The following AFF2 variants were observed in gnomAD, a reference collection of about 807,000 sequenced individuals.
The protein encoded by AFF2 is ALF transcription elongation factor 2, also known as AF4/FMR2 family member 2.
Under a neutral mutation model 76.9 loss-of-function variants are expected in AFF2, and 14 were observed. The ratio of observed to expected loss-of-function variants is 0.18; its 90% CI spans 0.12 to 0.28. The LOEUF is 0.28. Ranked by LOEUF, AFF2 falls within the 10% of genes least tolerant of loss-of-function variation. The pLI is 1.00. For missense variants in AFF2, 868 were observed against 1,001.1 expected (o/e 0.87, Z 1.79); for synonymous variants, 398 against 366.7 (o/e 1.09, Z -0.98).
At chrX:148,739,850 C>T (rs943662771) in intron 3 of AFF2, among the ~76,000 whole-genome samples, 8 of 111,421 alleles carry the variant, frequency 7.2e-5, no homozygotes, top group Non-Finnish European at 1.1e-4. Context: ...TTGGTAATGG[C>T]GAATTCTCTC....
chrX:148,524,224 T>G (rs781941244), intron 1 of AFF2, among the ~76,000 whole-genome samples: 22 of 108,902 alleles, frequency 2.0e-4, no homozygotes, highest in Non-Finnish European at 3.4e-4. Flanking sequence ...AGGGTAAAAG[T>G]AAATATATGC....
chrX:148,672,393 T>C (rs184801917), intron 3 of AFF2, among the ~76,000 whole-genome samples: 7 of 112,230 alleles, frequency 6.2e-5, no homozygotes, highest in Admixed American at 3.8e-4. Flanking sequence ...AGAAACTTAG[T>C]CTCGGAGAGG....
At chrX:148,846,017 C>T (rs190612464) in intron 7 of AFF2, among the ~76,000 whole-genome samples, 1 of 112,116 alleles carries the variant, frequency 8.9e-6, no homozygotes, top group Non-Finnish European at 1.9e-5. Context: ...CACATGGGCA[C>T]CAGGTCTGAA....
chrX:148,776,955 C>T (rs782206534), intron 3 of AFF2, among the ~76,000 whole-genome samples: 1 of 111,772 alleles, frequency 8.9e-6, no homozygotes, highest in East Asian at 2.8e-4. Flanking sequence ...AATGGTATTG[C>T]CTAGGTTTTC....
At position 148,613,154 on chromosome X, in the gene AFF2, A is replaced by G. The variant is rs888696986; in HGVS notation, c.48-38845A>G. Among the ~76,000 whole-genome samples, 3 of 111,665 alleles carry G rather than the reference A, an allele frequency of 2.7e-5. No individual in the cohort carries two copies. In the Admixed American group the frequency reaches 2.8e-4, roughly 11 times the overall value. The stretch of plus-strand genomic sequence containing the variant: ...GAAGTGTGAATTCAGCCTTTCATTT[A>G]TCATTGTACCTCCCCACTTATCGTT... On this transcript the variant is annotated intron_variant, in intron 1 of 20. Coordinates refer to ENST00000370460, the MANE Select transcript of AFF2 (RefSeq NM_002025.4).
intron 8 of AFF2, among the ~76,000 whole-genome samples, chrX:148,895,101 G>A (rs1557280172): frequency 6.3e-5 from 7 of 110,884 alleles, no homozygotes; most frequent in Admixed American, 4.8e-4. Flanking sequence ...AGTTCAGCTG[G>A]AGGTTTCCTT....
At chrX:148,591,035 G>A (rs2053517619) in intron 1 of AFF2, among the ~76,000 whole-genome samples, 1 of 111,841 alleles carries the variant, frequency 8.9e-6, no homozygotes, top group African/African-American at 3.3e-5. Context: ...GTTGCCCTCT[G>A]GGTATTATAT....
intron 1 of AFF2, among the ~76,000 whole-genome samples, chrX:148,589,681 TG>T (rs1345184784): frequency 1.8e-5 from 2 of 110,891 alleles, no homozygotes; most frequent in East Asian, 5.8e-4. Flanking sequence ...GGTATGCATT[TG>T]TTTCTCAGGA....
At chrX:148,639,078 C>G (rs1000146183) in intron 1 of AFF2, among the ~76,000 whole-genome samples, 9 of 111,933 alleles carry the variant, frequency 8.0e-5, no homozygotes, top group African/African-American at 2.9e-4. Flanking sequence ...GAATGCTAAG[C>G]AGTCAGCCCT....
At chrX:148,939,829 T>TCATA (rs782697343) in intron 9 of AFF2, among the ~76,000 whole-genome samples, 3 of 111,734 alleles carry the variant, frequency 2.7e-5, no homozygotes, top group Admixed American at 1.9e-4. Context: ...ACACGTGCAT[T>TCATA]CATACATACA....
At chrX:148,567,809 T>C (rs1224419056) in intron 1 of AFF2, among the ~76,000 whole-genome samples, 2 of 112,117 alleles carry the variant, frequency 1.8e-5, no homozygotes, top group African/African-American at 6.5e-5. Context: ...AAAATAAATG[T>C]TTTATACATT....
chrX:148,870,233 G>A (rs1557277226), intron 7 of AFF2, among the ~76,000 whole-genome samples: 2 of 111,718 alleles, frequency 1.8e-5, no homozygotes, highest in African/African-American at 6.5e-5. Flanking sequence ...TGGACTTAGG[G>A]AGCTGACTAA....
intron 3 of AFF2, among the ~76,000 whole-genome samples, chrX:148,673,344 C>T (rs2054446107): frequency 8.9e-6 from 1 of 111,959 alleles, no homozygotes; most frequent in Non-Finnish European, 1.9e-5. Flanking sequence ...ATGCCACACT[C>T]ATTCCCAATA....
At chrX:148,898,356 T>C (rs1251625277) in intron 8 of AFF2, among the ~76,000 whole-genome samples, 3 of 112,357 alleles carry the variant, frequency 2.7e-5, no homozygotes, top group African/African-American at 9.7e-5. Context: ...GAGAGCAATG[T>C]GATCAAAGTG....
intron 1 of AFF2, among the ~76,000 whole-genome samples, chrX:148,559,611 T>G (rs1342846248): frequency 9.0e-6 from 1 of 111,504 alleles, no homozygotes; most frequent in Non-Finnish European, 1.9e-5. Flanking sequence ...AACTCATCCT[T>G]TTTTTTATGG....
intron 19 of AFF2, among the ~76,000 whole-genome samples, chrX:148,984,411 C>A (rs1398595794): frequency 1.8e-5 from 2 of 111,536 alleles, no homozygotes; most frequent in African/African-American, 6.5e-5. Context: ...AGCAGATACA[C>A]ACAAAGAACA....
Position 148,989,150 on chromosome X carries a change from C to G in AFF2, c.3814+1593C>G, listed in dbSNP as rs180890975. ...AACTGGCCTATACAACCAGACTCATCCAGGGGTTCTAGAATTGCAAGTGAA... is the reference window on the plus strand; with the variant it reads ...AACTGGCCTATACAACCAGACTCATGCAGGGGTTCTAGAATTGCAAGTGAA... On this transcript the variant is annotated intron_variant, in intron 20 of 20. Transcript: ENST00000370460. Among the ~76,000 whole-genome samples the G allele has an allele frequency of 7.1e-5, 8 of 112,310 alleles. No individual in the cohort carries two copies. In the East Asian group the frequency reaches 2.2e-3, roughly 31 times the overall value.
chrX:148,583,511 A>G (rs1194971753), intron 1 of AFF2, among the ~76,000 whole-genome samples: 2 of 111,872 alleles, frequency 1.8e-5, no homozygotes, highest in South Asian at 3.7e-4. Flanking sequence ...AGTAGTTTCT[A>G]TGTCCTAAAA....
At chrX:148,677,441 T>G (rs1234152234) in intron 3 of AFF2, among the ~76,000 whole-genome samples, 1 of 112,317 alleles carries the variant, frequency 8.9e-6, no homozygotes, top group Non-Finnish European at 1.9e-5. Flanking sequence ...GCCTTTTTGG[T>G]TCACCACTTA....
Sources: gnomAD v4.1 joint callset for allele counts (sites outside exome capture counted in the v4.1 genomes callset) on GRCh38, gnomAD v4.1.1 for gene constraint, MANE v1.5 for transcripts, NCBI Gene and HGNC (gene_info 2026-07-23, HGNC 2026-07-21) for gene names.